DOK6: variants seen among roughly 807,000 people sequenced by gnomAD.
DOK6 encodes downstream of tyrosine kinase 6.
Under a neutral mutation model 44.0 loss-of-function variants are expected in DOK6, and 22 were observed. The ratio of observed to expected loss-of-function variants is 0.50; its 90% CI spans 0.36 to 0.71. The LOEUF is 0.71. DOK6 is among the 30% of genes least tolerant of loss of function. DOK6 has a pLI of 0.00. For synonymous variants in DOK6, 166 were observed against 145.5 expected (o/e 1.14, Z -1.01); for missense variants, 340 against 416.4 (o/e 0.82, Z 1.60).
chr18:69,839,346 G>A (rs1328721341), intron 7 of DOK6, among the ~76,000 whole-genome samples: 5 of 112,954 alleles, frequency 4.4e-5, no homozygotes, highest in South Asian at 5.7e-4. Flanking sequence ...TCCTCCCCTA[G>A]CCCCTCCCCT....
At chr18:69,612,886 T>G (rs375622006) in intron 3 of DOK6, among the ~76,000 whole-genome samples, 2 of 151,970 alleles carry the variant, frequency 1.3e-5, no homozygotes, top group African/African-American at 4.8e-5. Context: ...TTTCTTTCTT[T>G]TTTTTTGCCT....
chr18:69,652,642 C>T (rs59699116), intron 3 of DOK6, among the ~76,000 whole-genome samples: 34,959 of 151,946 alleles, frequency 0.23, 4,085 homozygotes, highest in Admixed American at 0.28. Flanking sequence ...TGTGATGAGA[C>T]TCTTTTCCTT....
At chr18:69,426,552 C>T (rs1407925759) in intron 1 of DOK6, among the ~76,000 whole-genome samples, 1 of 151,972 alleles carries the variant, frequency 6.6e-6, no homozygotes, top group Non-Finnish European at 1.5e-5. Flanking sequence ...AAACTTTGGG[C>T]CATATTACTA....
At chr18:69,468,617 T>C (rs1457000981) in intron 1 of DOK6, among the ~76,000 whole-genome samples, 1 of 152,222 alleles carries the variant, frequency 6.6e-6, no homozygotes, top group Non-Finnish European at 1.5e-5. Flanking sequence ...GAAGCACGGA[T>C]GTGGCTGCAT....
chr18:69,712,409 G>C (rs557001596), intron 5 of DOK6, among the ~76,000 whole-genome samples: 2 of 144,572 alleles, frequency 1.4e-5, no homozygotes, highest in Admixed American at 7.0e-5. Flanking sequence ...GGATATTATT[G>C]TGTTTATTTT....
chr18:69,449,131 G>T (rs1979380583), intron 1 of DOK6, among the ~76,000 whole-genome samples: 1 of 152,184 alleles, frequency 6.6e-6, no homozygotes, highest in African/African-American at 2.4e-5. Flanking sequence ...GTTAGTTGTG[G>T]TCTTTAATTA....
intron 7 of DOK6, among the ~76,000 whole-genome samples, chr18:69,827,668 T>C (rs1981780413): frequency 6.6e-6 from 1 of 152,060 alleles, no homozygotes; most frequent in Non-Finnish European, 1.5e-5. Flanking sequence ...AAAATTGTGC[T>C]ACATTATATG....
intron 1 of DOK6, among the ~76,000 whole-genome samples, chr18:69,449,427 C>G (rs1459249005): frequency 1.3e-5 from 2 of 152,082 alleles, no homozygotes; most frequent in Non-Finnish European, 2.9e-5. Context: ...ATAATAAGTT[C>G]ATATCTTAAT....
At chr18:69,701,527 T>A (rs1986520571) in intron 5 of DOK6, among the ~76,000 whole-genome samples, 1 of 152,216 alleles carries the variant, frequency 6.6e-6, no homozygotes, top group Non-Finnish European at 1.5e-5. Context: ...TTACTTCATG[T>A]TACCTCATAA....
chr18:69,818,886 G>T (rs1020583093), intron 7 of DOK6, among the ~76,000 whole-genome samples: 1 of 152,172 alleles, frequency 6.6e-6, no homozygotes, highest in African/African-American at 2.4e-5. Context: ...AGTCACACAA[G>T]CCTCCCACCA....
In DOK6 at chr18:69,842,970, T is replaced by C. The variant is rs1036760150; in HGVS notation, c.*1587T>C. The C allele has an allele frequency of 6.6e-6, 1 of 152,162 alleles. No homozygotes were observed. Among genetic ancestry groups the C allele is most frequent in the Non-Finnish European group, 1.5e-5 (1 of 68,030 alleles). 9.4% of individuals were successfully genotyped at this position (152,162 alleles called of 1,614,324 possible). A position where few individuals can be genotyped will look rare whatever the true frequency, so the allele number is the denominator to read the frequency against. Reference sequence around the variant, plus strand: ...TGAAAGGGTACCTTTTTTGCTGATCTCTGATGAGTTGTCTTTTCATCCCTA... The same window carrying C: ...TGAAAGGGTACCTTTTTTGCTGATCCCTGATGAGTTGTCTTTTCATCCCTA... On this transcript the variant is annotated 3_prime_UTR_variant, in exon 8 of 8. Coordinates refer to ENST00000382713, the MANE Select transcript of DOK6 (RefSeq NM_152721.6).
intron 7 of DOK6, among the ~76,000 whole-genome samples, chr18:69,795,312 T>C (rs1181020097): frequency 6.6e-6 from 1 of 152,172 alleles, no homozygotes; most frequent in Non-Finnish European, 1.5e-5. Context: ...AAAGGCTGTT[T>C]AAGCTTTAAA....
chr18:69,750,053 A>G (rs1429915446), intron 6 of DOK6, among the ~76,000 whole-genome samples: 2 of 147,630 alleles, frequency 1.4e-5, no homozygotes, highest in East Asian at 3.9e-4. Context: ...TTATATATAT[A>G]TATATTATAT....
At position 69,730,808 on chromosome 18, in the gene DOK6, T is replaced by G. The variant is rs541204007; in HGVS notation, c.600-8157T>G. ...TTTTAATTTCTGTTTCAAAATGAAT[T>G]AAAAATTGGTAGTTTAGGCAGGATG... On this transcript the variant is annotated intron_variant, in intron 5 of 7. Transcript: ENST00000382713. 2.6e-5 allele frequency among the ~76,000 whole-genome samples: 4 copies of G among 152,286 alleles called. No homozygotes were observed. The East Asian group carries it at 5.8e-4, about 22-fold the overall frequency.
intron 7 of DOK6, among the ~76,000 whole-genome samples, chr18:69,819,096 A>T (rs937389668): frequency 3.1e-4 from 47 of 152,198 alleles, no homozygotes; most frequent in Admixed American, 2.8e-3. Context: ...ATATCCTCAC[A>T]AGTACACAAG....
At chr18:69,477,015 G>A (rs1980284746) in intron 1 of DOK6, among the ~76,000 whole-genome samples, 1 of 152,186 alleles carries the variant, frequency 6.6e-6, no homozygotes, top group Non-Finnish European at 1.5e-5. Flanking sequence ...AATTCTGTGA[G>A]TGCTGTGCAC....
At chr18:69,824,202 CA>C (rs1981669609) in intron 7 of DOK6, among the ~76,000 whole-genome samples, 3 of 139,172 alleles carry the variant, frequency 2.2e-5, no homozygotes, top group South Asian at 2.7e-4. Flanking sequence ...CCCCTCCCCC[CA>C]CCCCACAACA....
intron 1 of DOK6, chr18:69,483,807 A>G (rs547696890): frequency 6.6e-6 from 1 of 152,206 alleles, no homozygotes; most frequent in Admixed American, 6.6e-5. Flanking sequence ...TTAGAAACGG[A>G]AAGGGTTAGA....
intron 3 of DOK6, among the ~76,000 whole-genome samples, chr18:69,623,670 T>C (rs1301061322): frequency 6.6e-6 from 1 of 152,234 alleles, no homozygotes; most frequent in Non-Finnish European, 1.5e-5. Context: ...TTATTACTAA[T>C]ATTTATTGAA....
Sources: allele counts gnomAD v4.1 joint callset (sites outside exome capture counted in the v4.1 genomes callset), GRCh38; gene constraint gnomAD v4.1.1; transcripts MANE v1.5; gene names NCBI Gene and HGNC (gene_info 2026-07-23, HGNC 2026-07-21).